Variants in RPL26L1 observed in about 807,000 individuals in gnomAD.
The protein encoded by RPL26L1 is ribosomal protein uL24-like.
In RPL26L1, 8 loss-of-function variants were observed where a neutral mutation model predicts 15.2. The ratio of observed to expected loss-of-function variants is 0.53; its 90% CI spans 0.31 to 0.95. The LOEUF (loss-of-function observed/expected upper bound fraction) is 0.95, where lower values mean the gene tolerates loss of function less well. Among genes scored for constraint, RPL26L1 ranks in the 40% least tolerant of loss-of-function variants. RPL26L1 has a pLI of 0.05. For missense variants in RPL26L1, 146 were observed against 190.9 expected (o/e 0.76, Z 1.39); for synonymous variants, 51 against 65.9 (o/e 0.77, Z 1.09).
Position 172,969,720 on chromosome 5 carries a change from A to G in RPL26L1, c.*179A>G. ...TGAATAAAAATGGGAAATGCTTCCT[A>G]ATTCCACATAGTATTTGCATTGTTT... On this transcript the variant is annotated 3_prime_UTR_variant, in exon 4 of 4. Transcript: ENST00000265100. 1.9e-6 allele frequency: 1 copy of G among 522,746 alleles called. No homozygotes were observed. The highest frequency in any genetic ancestry group is 3.4e-6 in the Non-Finnish European group (1 of 295,338). 32.4% of individuals were successfully genotyped at this position (522,746 alleles called of 1,614,324 possible).
In RPL26L1 at chr5:172,969,446, C is replaced by T. The variant is rs371090798; in HGVS notation, c.343C>T (p.Arg115Trp). Residue 115 changes from arginine (R) to tryptophan (W), a missense_variant, in exon 4 of 4, where the codon CGG (arginine) becomes TGG (tryptophan). Coordinates refer to ENST00000265100, the MANE Select transcript of RPL26L1 (RefSeq NM_016093.4). ...VITRLKLDKD[R>W]KKILERKAKS... ...CACCAGGCTAAAACTGGACAAGGAT[C>T]GGAAAAAAATTCTTGAACGCAAAGC... 3.0e-5 allele frequency: 49 copies of T among 1,613,244 alleles called. No individual in the cohort carries two copies. Among genetic ancestry groups the T allele is most frequent in the Admixed American group, 6.7e-5 (4 of 59,950 alleles).
chr5:172,969,058 G>A (rs1168450992), intron 3 of RPL26L1, among the ~76,000 whole-genome samples: 7 of 151,862 alleles, frequency 4.6e-5, no homozygotes, highest in African/African-American at 9.7e-5. Context: ...CGCCCGCCTC[G>A]GCTTTCCAAA....
chr5:172,959,838 C>T (rs765144270), intron 1 of RPL26L1, 27 bp from the exon 2 acceptor site: 3 of 1,612,530 alleles, frequency 1.9e-6, no homozygotes, highest in East Asian at 2.2e-5. Context: ...AGCGCCCCTT[C>T]ATTCCGTCTC....
rs1204432096 is a variant in RPL26L1 at position 172,964,281 on chromosome 5, CTTTTTTTTTT to C, written c.169-4166_169-4157del. On this transcript the variant is annotated intron_variant, in intron 2 of 3. Transcript: ENST00000265100. Reference sequence around the variant, plus strand: ...TGAGCCACAGTGTCTGGCCTGTTGCCTTTTTTTTTTTTTTTTTTTTTGAGACAGAGTTTCA... The same window carrying C: ...TGAGCCACAGTGTCTGGCCTGTTGCCTTTTTTTTTTTGAGACAGAGTTTCA... 9.1e-5 allele frequency among the ~76,000 whole-genome samples: 9 copies of C among 99,240 alleles called. No homozygotes were observed. The South Asian group carries it at 1.6e-3, about 17-fold the overall frequency. 65.1% of individuals were successfully genotyped at this position (99,240 alleles called of 152,430 possible).
chr5:172,963,390 A>AT (rs765951422), intron 2 of RPL26L1, among the ~76,000 whole-genome samples: 5 of 145,144 alleles, frequency 3.4e-5, no homozygotes, highest in Non-Finnish European at 6.2e-5. Flanking sequence ...AAAAAAAAAA[A>AT]TCTAAAATCA....
At chr5:172,955,186 T>G, upstream of RPL26L1, 1 of 346,142 alleles carries the variant, frequency 2.9e-6, no homozygotes, top group East Asian at 7.7e-5. Flanking sequence ...TGGAGTGCAA[T>G]GGCGCGATAT....
chr5:172,964,779 CA>C (rs1375795243), intron 2 of RPL26L1, among the ~76,000 whole-genome samples: 3 of 152,216 alleles, frequency 2.0e-5, no homozygotes, highest in Admixed American at 1.3e-4. Flanking sequence ...TCCTACTTTA[CA>C]GAGAAAATTG....
chr5:172,965,379 A>T (rs1755414288), intron 2 of RPL26L1, among the ~76,000 whole-genome samples: 1 of 152,152 alleles, frequency 6.6e-6, no homozygotes, highest in Admixed American at 6.6e-5. Context: ...CTTTAAAAAT[A>T]AAAAATAAAG....
Position 172,966,311 on chromosome 5 carries a change from C to CTT in RPL26L1, c.169-2147_169-2146insTT, listed in dbSNP as rs1310691278. The stretch of plus-strand genomic sequence containing the variant: ...GGCGCATGCCACCATGTCTGGCTAA[C>CTT]TATTTTTTTTTTTTTTTTTTTTTTT... On this transcript the variant is annotated intron_variant, in intron 2 of 3. Coordinates refer to ENST00000265100, the MANE Select transcript of RPL26L1 (RefSeq NM_016093.4). Among the ~76,000 whole-genome samples, 284 of 74,064 alleles carry CTT rather than the reference C, an allele frequency of 3.8e-3. 2 individuals are homozygous for CTT. The highest frequency in any genetic ancestry group is 9.7e-3 in the East Asian group (21 of 2,158). 48.6% of individuals were successfully genotyped at this position (74,064 alleles called of 152,430 possible).
At chr5:172,969,200 A>G (rs1188004336) in intron 3 of RPL26L1, among the ~76,000 whole-genome samples, 3 of 152,074 alleles carry the variant, frequency 2.0e-5, no homozygotes, top group African/African-American at 4.8e-5. Flanking sequence ...AAGAGAGAAT[A>G]TATCTTCCTG....
chr5:172,962,762 G>A (rs931324355), intron 2 of RPL26L1, among the ~76,000 whole-genome samples: 4 of 131,640 alleles, frequency 3.0e-5, no homozygotes, highest in African/African-American at 8.9e-5. Flanking sequence ...CTTCCAATGA[G>A]CCAAGATCAT....
At chr5:172,967,770 AC>A (rs1486953933) in intron 2 of RPL26L1, among the ~76,000 whole-genome samples, 2 of 117,940 alleles carry the variant, frequency 1.7e-5, no homozygotes, top group East Asian at 4.2e-4. Flanking sequence ...ACATATATAC[AC>A]ATATATACGT....
Position 172,959,488 on chromosome 5 carries a change from T to G in RPL26L1, c.-10+20T>G. 2 of 1,029,122 alleles carry G rather than the reference T, an allele frequency of 1.9e-6. No homozygotes were observed. Among genetic ancestry groups the G allele is most frequent in the South Asian group, 7.0e-5 (2 of 28,468 alleles). The allele number at this position is 1,029,122 out of a possible 1,614,324, so 63.7% of individuals were successfully genotyped here. A position where few individuals can be genotyped will look rare whatever the true frequency, so the allele number is the denominator to read the frequency against. ...AGCCGGGTGAGTGGAGGCTGGAGTT[T>G]TCTCGGACAGTGAACTCTACCGCCC... On this transcript the variant is annotated intron_variant, in intron 1 of 3. Coordinates refer to ENST00000265100, the MANE Select transcript of RPL26L1 (RefSeq NM_016093.4).
chr5:172,958,165 G>C (rs1314251356), upstream of RPL26L1: 1 of 348,436 alleles, frequency 2.9e-6, no homozygotes, highest in African/African-American at 2.1e-5. Context: ...TGGGGAGGCT[G>C]AGGCAGGAGA....
rs1561758908 is a variant in RPL26L1, at chr5:172,967,802, A to ATATGACATATAAGTACATATATGTATG, written c.169-645_169-619dup. On this transcript the variant is annotated intron_variant, in intron 2 of 3. Transcript: ENST00000265100. Reference sequence around the variant, plus strand: ...TACGTATGTATACACATATATGTATATATGACATATAAGTACATATATGTA... The same window carrying ATATGACATATAAGTACATATATGTATG: ...TACGTATGTATACACATATATGTATATATGACATATAAGTACATATATGTATGTATGACATATAAGTACATATATGTA... Among the ~76,000 whole-genome samples the ATATGACATATAAGTACATATATGTATG allele has an allele frequency of 7.9e-5, 12 of 151,602 alleles. No individual in the cohort carries two copies. The East Asian group carries it at 1.2e-3, about 15-fold the overall frequency.
At chr5:172,964,302 T>TTTTTTG (rs1755366310) in intron 2 of RPL26L1, among the ~76,000 whole-genome samples, 1 of 143,534 alleles carries the variant, frequency 7.0e-6, no homozygotes, top group Non-Finnish European at 1.5e-5. Context: ...TTTTTTTTTT[T>TTTTTTG]GAGACAGAGT....
intron 3 of RPL26L1, 69 bp from the exon 4 acceptor site, chr5:172,969,344 A>G: frequency 6.6e-7 from 1 of 1,515,422 alleles, no homozygotes; most frequent in Non-Finnish European, 9.0e-7. Flanking sequence ...TACTTAACTT[A>G]TGATGTCTAT....
chr5:172,965,252 C>T (rs540078518), intron 2 of RPL26L1, among the ~76,000 whole-genome samples: 1 of 152,238 alleles, frequency 6.6e-6, no homozygotes, highest in African/African-American at 2.4e-5. Flanking sequence ...GGGTGCTGCT[C>T]CATTCTTCTC....
chr5:172,969,273 G>A (rs1755592509), intron 3 of RPL26L1, 140 bp from the exon 4 acceptor site: 1 of 800,770 alleles, frequency 1.2e-6, no homozygotes, highest in South Asian at 1.7e-5. Context: ...TTTGTATTGT[G>A]TTACAGGGTC....
Sources: allele counts gnomAD v4.1 joint callset (sites outside exome capture counted in the v4.1 genomes callset), GRCh38; gene constraint gnomAD v4.1.1; transcripts MANE v1.5; gene names NCBI Gene and HGNC (gene_info 2026-07-23, HGNC 2026-07-21).